The following MEF2A variants were observed in gnomAD, a reference collection of about 807,000 sequenced individuals.
MEF2A encodes the protein myocyte-specific enhancer factor 2A.
MEF2A carries 28 observed loss-of-function variants against 55.8 expected under a neutral mutation model. The ratio of observed to expected loss-of-function variants is 0.50; its 90% CI spans 0.37 to 0.69. The LOEUF (loss-of-function observed/expected upper bound fraction) is 0.69. Among genes scored for constraint, MEF2A ranks in the 30% least tolerant of loss-of-function variants. MEF2A has a pLI of 0.00. For missense variants in MEF2A, 528 were observed against 626.2 expected, an observed-to-expected ratio of 0.84 and a Z score of 1.67; for synonymous variants, 239 against 227.1, an observed-to-expected ratio of 1.05 and a Z score of -0.47.
At chr15:99,637,879 G>A (rs190391122) in intron 3 of MEF2A, among the ~76,000 whole-genome samples, 45 of 152,096 alleles carry the variant, frequency 3.0e-4, no homozygotes, top group Non-Finnish European at 4.6e-4. Context: ...TCCTGACCTC[G>A]TGATCTGCCC....
At chr15:99,578,785 A>G (rs1322256983) in intron 1 of MEF2A, among the ~76,000 whole-genome samples, 2 of 152,250 alleles carry the variant, frequency 1.3e-5, no homozygotes, top group Non-Finnish European at 1.5e-5. Flanking sequence ...GAGAAATAGC[A>G]TTCAAAAACT....
chr15:99,574,590 T>A (rs1963651681), intron 1 of MEF2A, among the ~76,000 whole-genome samples: 1 of 152,118 alleles, frequency 6.6e-6, no homozygotes, highest in African/African-American at 2.4e-5. Flanking sequence ...CCTAGATCCT[T>A]TGCATGTGTG....
intron 11 of MEF2A, among the ~76,000 whole-genome samples, chr15:99,711,112 C>G (rs985944392): frequency 6.6e-6 from 1 of 152,342 alleles, no homozygotes; most frequent in South Asian, 2.1e-4. Flanking sequence ...GCCTACTGCA[C>G]CCCTGCTCCC....
At chr15:99,609,982 C>A (rs1405535223) in intron 2 of MEF2A, among the ~76,000 whole-genome samples, 1 of 151,994 alleles carries the variant, frequency 6.6e-6, no homozygotes, top group East Asian at 1.9e-4. Context: ...AAGTAGACAG[C>A]CACTTGGGTT....
At chr15:99,685,764 C>G (rs140785632) in intron 7 of MEF2A, among the ~76,000 whole-genome samples, 27 of 152,178 alleles carry the variant, frequency 1.8e-4, no homozygotes, top group African/African-American at 6.5e-4. Context: ...GGGTATTGGT[C>G]TGTAGTTTAC....
At chr15:99,643,661 G>A (rs1265817509) in intron 3 of MEF2A, among the ~76,000 whole-genome samples, 2 of 149,456 alleles carry the variant, frequency 1.3e-5, no homozygotes, top group African/African-American at 5.0e-5. Context: ...GTGCGATCTC[G>A]GCTCACTGCA....
intron 3 of MEF2A, among the ~76,000 whole-genome samples, chr15:99,642,931 T>A (rs1170401584): frequency 6.6e-6 from 1 of 151,986 alleles, no homozygotes; most frequent in African/African-American, 2.4e-5. Context: ...TAGTATTATG[T>A]ATGTGTATGT....
intron 8 of MEF2A, among the ~76,000 whole-genome samples, chr15:99,692,382 T>TA (rs908043055): frequency 2.6e-5 from 4 of 152,164 alleles, no homozygotes; most frequent in African/African-American, 7.2e-5. Context: ...GCCTCACAAT[T>TA]AAAAAAACTT....
chr15:99,617,449 A>G (rs935341541), intron 2 of MEF2A, among the ~76,000 whole-genome samples: 2 of 152,204 alleles, frequency 1.3e-5, no homozygotes, highest in Non-Finnish European at 1.5e-5. Flanking sequence ...CAGAGAAAGA[A>G]TATTTATGAT....
intron 7 of MEF2A, among the ~76,000 whole-genome samples, chr15:99,685,975 G>C (rs982780539): frequency 6.6e-6 from 1 of 151,948 alleles, no homozygotes; most frequent in Admixed American, 6.5e-5. Flanking sequence ...TAAAATTACT[G>C]TTTCAGTCTC....
intron 3 of MEF2A, among the ~76,000 whole-genome samples, chr15:99,643,300 A>G (rs528416490): frequency 2.6e-5 from 4 of 152,350 alleles, no homozygotes; most frequent in African/African-American, 4.8e-5. Flanking sequence ...GTAGAAGGAA[A>G]ATCTCTGTAT....
intron 8 of MEF2A, 114 bp from the exon 9 acceptor site, chr15:99,703,248 T>C (rs2057630148): frequency 2.2e-6 from 2 of 928,326 alleles, no homozygotes; most frequent in Non-Finnish European, 3.5e-6. Context: ...AATCGTCTCT[T>C]TAGAGTTCCA....
intron 4 of MEF2A, among the ~76,000 whole-genome samples, chr15:99,648,762 T>A (rs892485524): frequency 6.6e-6 from 1 of 152,178 alleles, no homozygotes; most frequent in African/African-American, 2.4e-5. Flanking sequence ...GATGTGTTCC[T>A]CTTCTGTTGC....
chr15:99,578,407 C>T (rs765150356), intron 1 of MEF2A, among the ~76,000 whole-genome samples: 1 of 152,162 alleles, frequency 6.6e-6, no homozygotes, highest in Non-Finnish European at 1.5e-5. Context: ...TTTACATTCT[C>T]CCTTCAGCTT....
rs759137356 is a variant in MEF2A, at chr15:99,712,465, G to A, written c.1212G>A (p.Pro404=). 12 of 1,551,400 alleles carry A rather than the reference G, an allele frequency of 7.7e-6. No homozygotes were observed. Among genetic ancestry groups the A allele is most frequent in the African/African-American group, 6.9e-5 (5 of 72,918 alleles). Residue 404 remains proline (P), a synonymous_variant, in exon 12 of 12, where the codon CCG becomes CCA. Transcript: ENST00000557942. This position sits in a 1 kb window ranked among gnomAD's most constrained non-coding sequence, Gnocchi z 4.1. ...TNQNISIKSE[P]ISPPRDRMTP... is the part of the protein sequence containing the mutation. ...AAAACATCAGCATCAAGTCCGAACC[G>A]ATTTCACCTCCTCGGGATCGTATGA...
chr15:99,619,037 T>G (rs970303256), intron 2 of MEF2A, among the ~76,000 whole-genome samples: 10 of 152,138 alleles, frequency 6.6e-5, no homozygotes, highest in Admixed American at 6.5e-5. Context: ...CTTGAAAGAT[T>G]GTAACACCTC....
At chr15:99,649,977 T>C (rs2046574408) in intron 4 of MEF2A, among the ~76,000 whole-genome samples, 1 of 152,216 alleles carries the variant, frequency 6.6e-6, no homozygotes, top group Non-Finnish European at 1.5e-5. Flanking sequence ...TCAGAAATCA[T>C]TTGTATGGCA....
chr15:99,612,284 G>C (rs564645314), intron 2 of MEF2A, among the ~76,000 whole-genome samples: 2 of 152,004 alleles, frequency 1.3e-5, no homozygotes, highest in Admixed American at 6.6e-5. Flanking sequence ...GGGCGCGGTG[G>C]TGGGCGTCTG....
chr15:99,620,866 C>T (rs548246505), intron 2 of MEF2A: 28 of 138,062 alleles, frequency 2.0e-4, no homozygotes, highest in African/African-American at 7.5e-4. Flanking sequence ...TTTTTTGGGA[C>T]ATTGAGTCTC....
Sources: gnomAD v4.1 joint callset for allele counts (sites outside exome capture counted in the v4.1 genomes callset) on GRCh38, gnomAD v4.1.1 for gene constraint, Gnocchi (gnomAD v3.1) non-coding constraint, MANE v1.5 for transcripts, NCBI Gene and HGNC (gene_info 2026-07-23, HGNC 2026-07-21) for gene names.